MCMBP: variants seen among roughly 807,000 people sequenced by gnomAD.
MCMBP encodes minichromosome maintenance complex binding protein.
Under a neutral mutation model 81.3 loss-of-function variants are expected in MCMBP, and 31 were observed. The observed-to-expected ratio is 0.38, with a 90% CI of 0.29 to 0.51. MCMBP has a LOEUF of 0.51. Among genes scored for constraint, MCMBP ranks in the 20% least tolerant of loss-of-function variants. The probability of loss-of-function intolerance (pLI) is 0.87; values close to 1 mark genes in which losing one functional copy is unlikely to be tolerated. For synonymous variants in MCMBP, 267 were observed against 275.9 expected, an observed-to-expected ratio of 0.97 and a Z score of 0.32; for missense variants, 645 against 772.1, an observed-to-expected ratio of 0.84 and a Z score of 1.95.
At position 119,838,530 on chromosome 10, in the gene MCMBP, C is replaced by T. The variant is rs191720352; in HGVS notation, c.1408+5G>A. 150 of 1,611,762 alleles carry T rather than the reference C, an allele frequency of 9.3e-5. No individual in the cohort carries two copies. In the African/African-American group the frequency reaches 1.8e-3, roughly 19 times the overall value. The stretch of plus-strand genomic sequence containing the variant: ...GAAATGGAAGAGAAACATCTATGTA[C>T]GTACCTGGGGTATCCAGCTGCCCCT... On this transcript the variant is annotated splice_donor_5th_base_variant and intron_variant, in intron 12 of 15. Transcript: ENST00000369077.
intron 7 of MCMBP, among the ~76,000 whole-genome samples, chr10:119,849,030 G>A (rs984793101): frequency 6.6e-6 from 1 of 152,178 alleles, no homozygotes; most frequent in Non-Finnish European, 1.5e-5. Flanking sequence ...TTAACTGGCT[G>A]GGCCCCATGT....
At chr10:119,865,057 T>C (rs541601094) in intron 1 of MCMBP, among the ~76,000 whole-genome samples, 10 of 152,242 alleles carry the variant, frequency 6.6e-5, no homozygotes, top group Non-Finnish European at 1.2e-4. Flanking sequence ...TGTAGTTTTG[T>C]GTTGTTCAGT....
At chr10:119,843,738 T>C (rs1852521048) in intron 8 of MCMBP, among the ~76,000 whole-genome samples, 1 of 152,178 alleles carries the variant, frequency 6.6e-6, no homozygotes, top group Admixed American at 6.5e-5. Flanking sequence ...CTTGGCTCAT[T>C]GCAACCTCTG....
At chr10:119,831,653 T>C (rs990166538) in intron 15 of MCMBP, 53 bp from the exon 16 acceptor site, 3 of 1,590,482 alleles carry the variant, frequency 1.9e-6, no homozygotes, top group Non-Finnish European at 2.6e-6. Flanking sequence ...TAGTAAGTTT[T>C]AAATTTTTTT....
intron 1 of MCMBP, among the ~76,000 whole-genome samples, chr10:119,865,812 AC>A (rs1320837987): frequency 6.6e-6 from 1 of 152,130 alleles, no homozygotes; most frequent in Non-Finnish European, 1.5e-5. Flanking sequence ...ACAGTGGCTC[AC>A]ATCTGTAATC....
intron 1 of MCMBP, among the ~76,000 whole-genome samples, chr10:119,866,370 A>G (rs1009488379): frequency 6.6e-6 from 1 of 152,200 alleles, no homozygotes; most frequent in Non-Finnish European, 1.5e-5. Context: ...TCATGCCTGT[A>G]ATCCCAACAC....
At chr10:119,837,197 A>T (rs1852277603) in intron 12 of MCMBP, among the ~76,000 whole-genome samples, 168 bp from the exon 13 acceptor site, 1 of 152,182 alleles carries the variant, frequency 6.6e-6, no homozygotes, top group Non-Finnish European at 1.5e-5. Flanking sequence ...GGCTTACAAC[A>T]GTCTTGGTCA....
intron 1 of MCMBP, among the ~76,000 whole-genome samples, chr10:119,868,160 C>T (rs1297246860): frequency 6.6e-6 from 1 of 152,178 alleles, no homozygotes; most frequent in Admixed American, 6.5e-5. Context: ...CGCAGCAGCT[C>T]ACACCTGAGA....
chr10:119,870,743 A>T (rs1016154084), intron 1 of MCMBP, among the ~76,000 whole-genome samples: 1 of 152,208 alleles, frequency 6.6e-6, no homozygotes, highest in Non-Finnish European at 1.5e-5. Context: ...TATAATAAAG[A>T]TATGCAATAC....
rs1273639021 is a variant in MCMBP, at chr10:119,872,592, G to A, written c.-8C>T. On this transcript the variant is annotated 5_prime_UTR_variant, in exon 1 of 16. Coordinates refer to ENST00000369077, the MANE Select transcript of MCMBP (RefSeq NM_001256378.2). Reference sequence around the variant, plus strand: ...ATCCTCCCCACACGGCATCTCGCCAGGGGCCGGGGCCGGCGAAGACCGGGC... The same window carrying A: ...ATCCTCCCCACACGGCATCTCGCCAAGGGCCGGGGCCGGCGAAGACCGGGC... 6 of 1,171,464 alleles carry A rather than the reference G, an allele frequency of 5.1e-6. No individual in the cohort carries two copies. Among genetic ancestry groups the A allele is most frequent in the African/African-American group, 3.2e-5 (2 of 61,574 alleles). 72.6% of individuals were successfully genotyped at this position (1,171,464 alleles called of 1,614,324 possible). A position where few individuals can be genotyped will look rare whatever the true frequency, so the allele number is the denominator to read the frequency against.
At chr10:119,843,145 G>A in intron 9 of MCMBP, 109 bp downstream of exon 9, 1 of 1,199,364 alleles carries the variant, frequency 8.3e-7, no homozygotes, top group South Asian at 1.2e-5. Flanking sequence ...CACTTATTGT[G>A]AGGAATGAAG....
At chr10:119,849,162 CA>C (rs1402931882) in intron 7 of MCMBP, among the ~76,000 whole-genome samples, 1 of 152,160 alleles carries the variant, frequency 6.6e-6, no homozygotes, top group Non-Finnish European at 1.5e-5. Context: ...GAAGGAGCCA[CA>C]AGGCCAAGGA....
intron 8 of MCMBP, 40 bp downstream of exon 8, chr10:119,847,573 T>G (rs369428260): frequency 8.0e-7 from 1 of 1,256,772 alleles, no homozygotes; most frequent in Non-Finnish European, 1.1e-6. Context: ...TGAAATTATA[T>G]AAAAATAAAG....
intron 8 of MCMBP, among the ~76,000 whole-genome samples, chr10:119,847,293 T>C (rs1852650907): frequency 1.3e-5 from 2 of 152,190 alleles, no homozygotes; most frequent in African/African-American, 4.8e-5. Flanking sequence ...TGGATTAGTG[T>C]ATTGTATATT....
At chr10:119,852,103 G>A (rs1172140105) in intron 6 of MCMBP, among the ~76,000 whole-genome samples, 1 of 123,322 alleles carries the variant, frequency 8.1e-6, no homozygotes, top group Non-Finnish European at 1.6e-5. Context: ...AGTGAGCCAA[G>A]ATCGTGCCAC....
intron 1 of MCMBP, among the ~76,000 whole-genome samples, chr10:119,866,222 G>T (rs769343466): frequency 6.6e-6 from 1 of 152,100 alleles, no homozygotes; most frequent in Non-Finnish European, 1.5e-5. Flanking sequence ...TACACGAAAC[G>T]TCCAGAATAG....
chr10:119,830,084 A>C lies in MCMBP; in HGVS notation c.*1390T>G, dbSNP rs1215665596. The C allele has an allele frequency of 1.3e-5, 2 of 152,666 alleles. No individual in the cohort carries two copies. The allele number at this position is 152,666 out of a possible 1,614,324, so 9.5% of individuals were successfully genotyped here. On this transcript the variant is annotated 3_prime_UTR_variant, in exon 16 of 16. Transcript: ENST00000369077. The stretch of plus-strand genomic sequence containing the variant: ...TAAACATTATTTACATTTGTTTATA[A>C]AAATAGATTTGAGTTTAGGAAAAGT...
chr10:119,838,275 T>C (rs1451463718), intron 12 of MCMBP, among the ~76,000 whole-genome samples: 1 of 146,444 alleles, frequency 6.8e-6, no homozygotes, highest in Non-Finnish European at 1.5e-5. Context: ...TTATATATTA[T>C]ATATGATATA....
Position 119,835,577 on chromosome 10 carries a change from C to A in MCMBP, c.1670G>T (p.Arg557Ile), listed in dbSNP as rs767212666. ...NKFRIYLTLL[R>I]FLEYSISDEI... ...ATCAGATATGCTATATTCCAAGAAT[C>A]TCAAAAGAGTTAGATAAATGCGGAA... Residue 557 changes from arginine to isoleucine, a missense_variant, in exon 14 of 16, where the codon AGA becomes ATA. By Grantham distance (97) the Arg-to-Ile change is moderately conservative. Transcript: ENST00000369077. 1.9e-6 allele frequency: 3 copies of A among 1,614,054 alleles called. No individual in the cohort carries two copies. The highest frequency in any genetic ancestry group is 2.7e-5 in the African/African-American group (2 of 74,946).
Sources: gnomAD v4.1 joint callset for allele counts (sites outside exome capture counted in the v4.1 genomes callset) on GRCh38, gnomAD v4.1.1 for gene constraint, MANE v1.5 for transcripts, NCBI Gene and HGNC (gene_info 2026-07-23, HGNC 2026-07-21) for gene names.